PPP4R3B: variants seen among roughly 807,000 people sequenced by gnomAD.
The protein encoded by PPP4R3B is serine/threonine-protein phosphatase 4 regulatory subunit 3B.
PPP4R3B carries 52 observed loss-of-function variants against 95.4 expected under a neutral mutation model. The ratio of observed to expected loss-of-function variants is 0.54; its 90% CI spans 0.44 to 0.69. The LOEUF is 0.69. Ranked by LOEUF, PPP4R3B falls within the 30% of genes least tolerant of loss-of-function variation. The probability of loss-of-function intolerance (pLI) is 0.00; values close to 1 mark genes in which losing one functional copy is unlikely to be tolerated. For synonymous variants in PPP4R3B, 407 were observed against 343.9 expected (o/e 1.18, Z -2.03); for missense variants, 1,003 against 1,005.9 (o/e 1.00, Z 0.04).
chr2:55,589,649 C>T (rs1378992194), intron 4 of PPP4R3B, among the ~76,000 whole-genome samples: 4 of 152,120 alleles, frequency 2.6e-5, no homozygotes, highest in Non-Finnish European at 5.9e-5. Flanking sequence ...GGCGCGGTGG[C>T]TCACGCCCGT....
At chr2:55,616,621 T>C (rs1417157366) in intron 1 of PPP4R3B, 4 of 152,242 alleles carry the variant, frequency 2.6e-5, no homozygotes, top group Admixed American at 6.5e-5. Flanking sequence ...TGTATGTGCT[T>C]GTGTGTCCAT....
At chr2:55,595,901 T>A (rs529132470) in intron 4 of PPP4R3B, among the ~76,000 whole-genome samples, 33 of 152,316 alleles carry the variant, frequency 2.2e-4, no homozygotes, top group Non-Finnish European at 4.0e-4. Flanking sequence ...ACTTAGTGAA[T>A]GATATGGAAA....
intron 4 of PPP4R3B, among the ~76,000 whole-genome samples, chr2:55,592,534 G>T (rs1382029161): frequency 6.6e-6 from 1 of 152,080 alleles, no homozygotes; most frequent in African/African-American, 2.4e-5. Context: ...GTTTTTTAAA[G>T]AGTATCTGAA....
intron 2 of PPP4R3B, among the ~76,000 whole-genome samples, chr2:55,609,928 G>T (rs1025392447): frequency 6.6e-6 from 1 of 152,108 alleles, no homozygotes; most frequent in Non-Finnish European, 1.5e-5. Flanking sequence ...AGAATCTGGC[G>T]TGGGAAAGAG....
At chr2:55,573,593 T>G (rs1472363716) in intron 12 of PPP4R3B, 26 bp downstream of exon 12, 2 of 1,517,440 alleles carry the variant, frequency 1.3e-6, no homozygotes, top group East Asian at 5.0e-5. Flanking sequence ...TTAAAAATGT[T>G]GCTCCTTAAA....
At chr2:55,596,026 T>C (rs371048370) in intron 4 of PPP4R3B, among the ~76,000 whole-genome samples, 37 of 152,306 alleles carry the variant, frequency 2.4e-4, no homozygotes, top group African/African-American at 8.4e-4. Context: ...ATGATAAATA[T>C]AGTATAAAAC....
intron 7 of PPP4R3B, among the ~76,000 whole-genome samples, chr2:55,584,287 T>C (rs1459258842): frequency 1.3e-5 from 2 of 152,248 alleles, no homozygotes; most frequent in East Asian, 3.8e-4. Flanking sequence ...GGGGAAAATT[T>C]AAATATATCA....
rs555905122 is a variant in PPP4R3B, at chr2:55,606,971, C to G, written c.199-2895G>C. On this transcript the variant is annotated intron_variant, in intron 2 of 16. Coordinates refer to ENST00000616407, the MANE Select transcript of PPP4R3B (RefSeq NM_001122964.3). ...ACACTAGCAGTAAATGTAAATTTAA[C>G]CATTATCTAGTTCATTTGTACTTAT... 7.4e-4 allele frequency among the ~76,000 whole-genome samples: 113 copies of G among 152,100 alleles called. No individual in the cohort carries two copies. In the Middle Eastern group the frequency reaches 0.01, roughly 14 times the overall value.
intron 3 of PPP4R3B, among the ~76,000 whole-genome samples, chr2:55,599,942 T>C (rs552624427): frequency 6.6e-6 from 1 of 152,344 alleles, no homozygotes; most frequent in Non-Finnish European, 1.5e-5. Flanking sequence ...TACCATTTCC[T>C]AAGGTTAACA....
At chr2:55,581,820 A>G in intron 7 of PPP4R3B, 122 bp from the exon 8 acceptor site, 1 of 1,045,114 alleles carries the variant, frequency 9.6e-7, no homozygotes, top group Non-Finnish European at 1.3e-6. Flanking sequence ...AGAATGGAAT[A>G]GCTTATTTAA....
intron 6 of PPP4R3B, among the ~76,000 whole-genome samples, chr2:55,586,014 T>A (rs1003328264): frequency 1.3e-5 from 2 of 152,016 alleles, no homozygotes; most frequent in Admixed American, 6.6e-5. Context: ...TAAAGCAAGG[T>A]ACTAAAGGGA....
intron 3 of PPP4R3B, among the ~76,000 whole-genome samples, chr2:55,599,910 T>C (rs966980043): frequency 5.9e-5 from 9 of 152,210 alleles, no homozygotes; most frequent in African/African-American, 1.9e-4. Context: ...ATTTCCTTCA[T>C]TCATTTCAAA....
chr2:55,611,971 G>T (rs2103880545), intron 2 of PPP4R3B, among the ~76,000 whole-genome samples: 1 of 152,200 alleles, frequency 6.6e-6, no homozygotes, highest in South Asian at 2.1e-4. Context: ...CAGCTCAAGG[G>T]ATCCTCCTGC....
At chr2:55,557,700 T>C (rs1390686094) in intron 16 of PPP4R3B, among the ~76,000 whole-genome samples, 2 of 152,214 alleles carry the variant, frequency 1.3e-5, no homozygotes, top group Non-Finnish European at 2.9e-5. Flanking sequence ...CCAAACAAGA[T>C]GCATTCCTTT....
At chr2:55,570,776 A>G (rs774677257) in intron 12 of PPP4R3B, among the ~76,000 whole-genome samples, 17 of 152,228 alleles carry the variant, frequency 1.1e-4, no homozygotes, top group Non-Finnish European at 2.2e-4. Flanking sequence ...TAAGGTATAA[A>G]TGTTAACTGT....
chr2:55,550,857 C>G (rs1685166744), intron 16 of PPP4R3B, among the ~76,000 whole-genome samples: 1 of 151,680 alleles, frequency 6.6e-6, no homozygotes, highest in Non-Finnish European at 1.5e-5. Context: ...ATTAACCAAC[C>G]AAAAAAAGGC....
intron 2 of PPP4R3B, among the ~76,000 whole-genome samples, chr2:55,604,316 G>C (rs941251329): frequency 1.3e-5 from 2 of 152,094 alleles, no homozygotes; most frequent in Non-Finnish European, 2.9e-5. Flanking sequence ...AGTAGGCTCT[G>C]ACTCATGTTA....
chr2:55,564,815 T>C (rs1014702252), intron 14 of PPP4R3B, 87 bp downstream of exon 14: 41 of 1,495,806 alleles, frequency 2.7e-5, no homozygotes, highest in Non-Finnish European at 3.5e-5. Context: ...AGAAAATTCC[T>C]CAGTAAATTT....
chr2:55,615,353 G>T, intron 2 of PPP4R3B, 98 bp downstream of exon 2: 1 of 926,614 alleles, frequency 1.1e-6, no homozygotes, highest in Non-Finnish European at 1.7e-6. Flanking sequence ...TACCAAACAT[G>T]TTTTTTTCTT....
Sources: gnomAD v4.1 joint callset for allele counts (sites outside exome capture counted in the v4.1 genomes callset) on GRCh38, gnomAD v4.1.1 for gene constraint, MANE v1.5 for transcripts, NCBI Gene and HGNC (gene_info 2026-07-23, HGNC 2026-07-21) for gene names.